The following CADPS variants were observed in gnomAD, a reference collection of about 807,000 sequenced individuals.
CADPS encodes the protein calcium dependent secretion activator.
CADPS carries 57 observed loss-of-function variants against 167.3 expected under a neutral mutation model. That is an observed-to-expected ratio of 0.34 (90% CI 0.28 to 0.42). CADPS has a LOEUF of 0.42. CADPS is among the 20% of genes least tolerant of loss of function. CADPS has a pLI of 1.00. For missense variants in CADPS, 1,414 were observed against 1,738.1 expected (o/e 0.81, Z 3.32); for synonymous variants, 676 against 635.3 (o/e 1.06, Z -0.96).
intron 1 of CADPS, among the ~76,000 whole-genome samples, chr3:62,840,379 C>T (rs1258266401): frequency 1.3e-5 from 2 of 152,162 alleles, no homozygotes; most frequent in African/African-American, 2.4e-5. Flanking sequence ...CAATGATTTA[C>T]ACAATGTTTA....
At chr3:62,414,923 C>G (rs1378177270) in intron 28 of CADPS, among the ~76,000 whole-genome samples, 1 of 152,024 alleles carries the variant, frequency 6.6e-6, no homozygotes, top group East Asian at 1.9e-4. Flanking sequence ...CATTCATGGG[C>G]CTTCCTCTGG....
chr3:62,707,677 C>G (rs4688320), intron 3 of CADPS, among the ~76,000 whole-genome samples: 83,961 of 151,858 alleles, frequency 0.55, 23,607 homozygotes, highest in East Asian at 0.74. Context: ...AAAATATATA[C>G]CAGAGTTTAG....
chr3:62,478,113 A>G lies in CADPS; in HGVS notation c.3329+148T>C, dbSNP rs935917866. On this transcript the variant is annotated intron_variant, in intron 23 of 29. Transcript: ENST00000383710. This position sits in a 1 kb window ranked among gnomAD's most constrained non-coding sequence, Gnocchi z 5.7. ...AGGTGAATGGAAGTTAGACGTTGAC[A>G]GCCACTACTCCAGCTGACTTTGACA... is the stretch of plus-strand genomic sequence containing the variant. The G allele has an allele frequency of 1.1e-5, 9 of 806,128 alleles. No homozygotes were observed. The highest frequency in any genetic ancestry group is 1.8e-5 in the Non-Finnish European group (9 of 512,288). The allele number at this position is 806,128 out of a possible 1,614,324, so 49.9% of individuals were successfully genotyped here.
rs765765222 is a variant in CADPS, at chr3:62,874,050, C to T, written c.441+539G>A. On this transcript the variant is annotated intron_variant, in intron 1 of 29. Coordinates refer to ENST00000383710, the MANE Select transcript of CADPS (RefSeq NM_003716.4). The surrounding 1 kb of genome is among the most constrained non-coding windows in gnomAD (Gnocchi z 7.1). ...CTTCGCCTTCTGGGCTTGCTTTCTC[C>T]CGCCTGCCCCTGCGGTTGCTCTCTG... Among the ~76,000 whole-genome samples the T allele has an allele frequency of 4.6e-5, 7 of 152,296 alleles. No homozygotes were observed. The highest frequency in any genetic ancestry group is 4.4e-5 in the Non-Finnish European group (3 of 68,014).
intron 21 of CADPS, among the ~76,000 whole-genome samples, chr3:62,489,598 G>A (rs1190503580): frequency 2.0e-5 from 3 of 152,192 alleles, no homozygotes; most frequent in Admixed American, 2.0e-4. Flanking sequence ...AGTTCATAGA[G>A]GTTTGAACCC....
chr3:62,658,437 T>C (rs1038027159), intron 4 of CADPS, among the ~76,000 whole-genome samples: 6 of 152,058 alleles, frequency 3.9e-5, no homozygotes, highest in Non-Finnish European at 8.8e-5. Flanking sequence ...TGGGAATATA[T>C]TTTGCAATGA....
intron 1 of CADPS, among the ~76,000 whole-genome samples, chr3:62,857,425 T>C (rs2079925602): frequency 6.6e-6 from 1 of 151,992 alleles, no homozygotes; most frequent in East Asian, 1.9e-4. Flanking sequence ...GAAAGGTAAG[T>C]ACACAAAGAT....
intron 28 of CADPS, among the ~76,000 whole-genome samples, chr3:62,409,096 G>T (rs551459193): frequency 6.6e-5 from 10 of 152,314 alleles, no homozygotes; most frequent in Middle Eastern, 3.4e-3. Context: ...TTGAACTCAA[G>T]ATGTTGATAC....
At chr3:62,646,306 A>G (rs1163088382) in intron 5 of CADPS, among the ~76,000 whole-genome samples, 6 of 151,788 alleles carry the variant, frequency 4.0e-5, no homozygotes, top group African/African-American at 1.4e-4. Flanking sequence ...CTGGGATTAC[A>G]GGTGCACGCC....
rs114385593 is a variant in CADPS at position 62,772,829 on chromosome 3, T to C, written c.442-6845A>G. ...TTATTGTAAAAGAAGGAACCTCAAA[T>C]AGCAGCATTCTAAGCATAGGCAGCA... On this transcript the variant is annotated intron_variant, in intron 1 of 29. Coordinates refer to ENST00000383710, the MANE Select transcript of CADPS (RefSeq NM_003716.4). Among the ~76,000 whole-genome samples the C allele has an allele frequency of 1.5e-3, 226 of 152,252 alleles. 1 individual carries two copies. Among genetic ancestry groups the C allele is most frequent in the African/African-American group, 5.2e-3 (218 of 41,556 alleles).
At chr3:62,696,150 C>T (rs560400812) in intron 3 of CADPS, among the ~76,000 whole-genome samples, 2 of 152,164 alleles carry the variant, frequency 1.3e-5, no homozygotes, top group South Asian at 4.1e-4. Context: ...CAGCTACAAA[C>T]CCTGTATTTG....
chr3:62,662,418 G>A, intron 3 of CADPS, 24 bp from the exon 4 acceptor site: 1 of 1,610,446 alleles, frequency 6.2e-7, no homozygotes, highest in Non-Finnish European at 8.5e-7. Flanking sequence ...CAGACATTGA[G>A]ACTTTTAGTT....
At chr3:62,790,356 A>C (rs1472502105) in intron 1 of CADPS, among the ~76,000 whole-genome samples, 2 of 152,128 alleles carry the variant, frequency 1.3e-5, no homozygotes, top group African/African-American at 4.8e-5. Flanking sequence ...GATACAAGAG[A>C]AATTACTTTA....
chr3:62,680,914 G>A (rs1316459384), intron 3 of CADPS, among the ~76,000 whole-genome samples: 1 of 151,936 alleles, frequency 6.6e-6, no homozygotes, highest in East Asian at 1.9e-4. Flanking sequence ...GATTCCATGA[G>A]GCAATCTTTA....
chr3:62,426,833 C>T (rs945235759), intron 28 of CADPS, among the ~76,000 whole-genome samples: 7 of 151,124 alleles, frequency 4.6e-5, no homozygotes, highest in Non-Finnish European at 7.4e-5. Flanking sequence ...TTTGGGAGGC[C>T]GAGGGGGGCA....
intron 1 of CADPS, among the ~76,000 whole-genome samples, chr3:62,841,035 G>A (rs1457152774): frequency 6.6e-6 from 1 of 152,138 alleles, no homozygotes; most frequent in Non-Finnish European, 1.5e-5. Flanking sequence ...ATTTTTGTTA[G>A]AGCAAATGGG....
chr3:62,632,981 G>A (rs2065580979), intron 6 of CADPS, among the ~76,000 whole-genome samples: 1 of 152,056 alleles, frequency 6.6e-6, no homozygotes, highest in African/African-American at 2.4e-5. Context: ...GATGCCAGGT[G>A]ACTTTAACTC....
intron 7 of CADPS, among the ~76,000 whole-genome samples, chr3:62,590,069 A>C (rs1024177693): frequency 3.9e-5 from 6 of 151,984 alleles, no homozygotes; most frequent in Non-Finnish European, 8.8e-5. Flanking sequence ...GGCACCTGTA[A>C]TACCAGCTAC....
At chr3:62,622,810 T>C (rs1007275839) in intron 6 of CADPS, among the ~76,000 whole-genome samples, 3 of 152,140 alleles carry the variant, frequency 2.0e-5, no homozygotes, top group Admixed American at 1.3e-4. Context: ...AGTTTGACAA[T>C]AGCCAACTTC....
Sources: allele counts gnomAD v4.1 joint callset (sites outside exome capture counted in the v4.1 genomes callset), GRCh38; gene constraint gnomAD v4.1.1; non-coding constraint Gnocchi (gnomAD v3.1); transcripts MANE v1.5; gene names NCBI Gene and HGNC (gene_info 2026-07-23, HGNC 2026-07-21).